Variants in RARS2 observed in about 807,000 individuals in gnomAD.
RARS2 encodes the protein arginyl-tRNA synthetase 2, mitochondrial, also known as probable arginine--tRNA ligase, mitochondrial.
A neutral mutation model predicts 88.5 loss-of-function variants in RARS2; 67 were observed. The observed-to-expected ratio is 0.76, with a 90% CI of 0.62 to 0.93. The LOEUF (loss-of-function observed/expected upper bound fraction) is 0.93. Ranked by LOEUF, RARS2 falls within the 40% of genes least tolerant of loss-of-function variation. The pLI is 0.00. For missense variants in RARS2, 664 were observed against 684.2 expected, an observed-to-expected ratio of 0.97 and a Z score of 0.33; for synonymous variants, 239 against 230.3, an observed-to-expected ratio of 1.04 and a Z score of -0.34.
intron 1 of RARS2, among the ~76,000 whole-genome samples, chr6:87,578,108 C>CA (rs900950947): frequency 8.4e-6 from 1 of 119,408 alleles, no homozygotes; most frequent in Non-Finnish European, 1.7e-5. Context: ...CATAGCGAGA[C>CA]CCCCCCCCCC....
At chr6:87,520,295 CAAAT>C (rs1276311475) in intron 12 of RARS2, 39 bp from the exon 13 acceptor site, 1 of 1,430,786 alleles carries the variant, frequency 7.0e-7, no homozygotes, top group Admixed American at 1.7e-5. Flanking sequence ...AGAATACTGA[CAAAT>C]TAATGTATAA....
chr6:87,589,579 G>T, intron 1 of RARS2: 1 of 796,788 alleles, frequency 1.3e-6, no homozygotes, highest in Non-Finnish European at 1.5e-6. Flanking sequence ...CATCATCAAT[G>T]TCACTAAAGT....
intron 1 of RARS2, among the ~76,000 whole-genome samples, chr6:87,573,702 A>C (rs12529993): frequency 0.25 from 37,797 of 151,916 alleles, 5,220 homozygotes; most frequent in Admixed American, 0.37. Context: ...AAAACACACA[A>C]AAAAAAACCA....
At position 87,533,087 on chromosome 6, in the gene RARS2, A is replaced by G. The variant is rs577409092; in HGVS notation, c.613-2145T>C. On this transcript the variant is annotated intron_variant, in intron 8 of 19. Transcript: ENST00000369536. ...CATGCAAAATGTCTTTATTTTCACAAAAGAGTTTAGTTTCTTTTTTTTTTC... is the reference window on the plus strand; with the variant it reads ...CATGCAAAATGTCTTTATTTTCACAGAAGAGTTTAGTTTCTTTTTTTTTTC... 1.7e-3 allele frequency among the ~76,000 whole-genome samples: 258 copies of G among 152,308 alleles called. 2 individuals are homozygous for G. The highest frequency in any genetic ancestry group is 6.0e-3 in the African/African-American group (248 of 41,584).
chr6:87,589,638 C>A, intron 1 of RARS2: 1 of 980,686 alleles, frequency 1.0e-6, no homozygotes, highest in Non-Finnish European at 1.2e-6. Context: ...TAATGACTTG[C>A]CGCCACCCAG....
intron 4 of RARS2, among the ~76,000 whole-genome samples, chr6:87,558,315 A>G (rs1291267423): frequency 6.6e-6 from 1 of 152,178 alleles, no homozygotes; most frequent in East Asian, 1.9e-4. Flanking sequence ...AAACTGCACT[A>G]CCACTCACCC....
chr6:87,566,316 C>T (rs192383503), intron 2 of RARS2, among the ~76,000 whole-genome samples: 8 of 152,154 alleles, frequency 5.3e-5, no homozygotes, highest in East Asian at 1.9e-4. Context: ...TCTTTTTAAA[C>T]GCTAAAAAAA....
chr6:87,542,855 C>T (rs1050006744), intron 7 of RARS2, among the ~76,000 whole-genome samples: 4 of 150,986 alleles, frequency 2.6e-5, no homozygotes, highest in Admixed American at 2.6e-4. Flanking sequence ...AGGAGATATA[C>T]CTAATGTTAA....
chr6:87,561,661 T>C (rs1022858750), intron 4 of RARS2, among the ~76,000 whole-genome samples: 87 of 152,350 alleles, frequency 5.7e-4, no homozygotes, highest in African/African-American at 2.0e-3. Context: ...TCAATAGTCT[T>C]TTTCTGAACA....
intron 7 of RARS2, 112 bp downstream of exon 7, chr6:87,545,504 G>GT: frequency 7.4e-7 from 1 of 1,345,724 alleles, no homozygotes; most frequent in Non-Finnish European, 1.0e-6. Context: ...AAAAAAATAG[G>GT]TAGGACATAC....
At chr6:87,520,621 T>C (rs571759904) in intron 12 of RARS2, among the ~76,000 whole-genome samples, 1 of 152,204 alleles carries the variant, frequency 6.6e-6, no homozygotes, top group Non-Finnish European at 1.5e-5. Flanking sequence ...AGGTTTCACA[T>C]GATAAGTAAG....
chr6:87,586,286 G>C (rs1455459758), intron 1 of RARS2, among the ~76,000 whole-genome samples: 4 of 152,168 alleles, frequency 2.6e-5, no homozygotes, highest in Non-Finnish European at 5.9e-5. Context: ...AGGACTTGCT[G>C]AAGAAAGGAA....
intron 14 of RARS2, 116 bp downstream of exon 14, chr6:87,519,467 A>C: frequency 8.3e-7 from 1 of 1,198,746 alleles, no homozygotes; most frequent in Non-Finnish European, 1.2e-6. Context: ...TATTTTTGAC[A>C]AAGTTAGTGA....
intron 4 of RARS2, among the ~76,000 whole-genome samples, chr6:87,560,645 T>C (rs1235802465): frequency 1.3e-5 from 2 of 152,220 alleles, no homozygotes; most frequent in Non-Finnish European, 2.9e-5. Flanking sequence ...ACGCCTGTAA[T>C]GCCAGCACTT....
chr6:87,564,823 C>T (rs183703816), intron 2 of RARS2, among the ~76,000 whole-genome samples: 7 of 151,872 alleles, frequency 4.6e-5, no homozygotes, highest in Non-Finnish European at 8.8e-5. Context: ...TTTGGGAGGC[C>T]GAGGCAAGTG....
intron 2 of RARS2, among the ~76,000 whole-genome samples, chr6:87,566,849 CAAAAA>C (rs36032606): frequency 1.7e-5 from 1 of 60,288 alleles, no homozygotes; most frequent in Non-Finnish European, 3.1e-5. Context: ...GGTCCTGTCT[CAAAAA>C]AAAAAAAAAA....
intron 8 of RARS2, among the ~76,000 whole-genome samples, chr6:87,536,140 C>A (rs921918566): frequency 1.4e-5 from 2 of 140,492 alleles, no homozygotes; most frequent in African/African-American, 5.5e-5. Context: ...GAGTCAAGTT[C>A]TATTAATAAA....
intron 10 of RARS2, 104 bp from the exon 11 acceptor site, chr6:87,524,756 C>T (rs1379981148): frequency 2.8e-5 from 23 of 817,068 alleles, no homozygotes; most frequent in African/African-American, 1.2e-4. Context: ...TTATTACCCA[C>T]GTTGCAATGA....
rs1734854241 is a variant in RARS2, at chr6:87,548,491, T to G, written c.451+100A>C. 1.2e-5 allele frequency: 15 copies of G among 1,203,350 alleles called. 1 individual carries two copies. In the South Asian group the frequency reaches 2.0e-4, roughly 16 times the overall value. The allele number at this position is 1,203,350 out of a possible 1,614,324, so 74.5% of individuals were successfully genotyped here. A position where few individuals can be genotyped will look rare whatever the true frequency, so the allele number is the denominator to read the frequency against. On this transcript the variant is annotated intron_variant, in intron 6 of 19. Coordinates refer to ENST00000369536, the MANE Select transcript of RARS2 (RefSeq NM_020320.5). Reference sequence around the variant, plus strand: ...GCTCATATAAATTTAAACTTTTTGTTTTTTGCTATTTTGTTATTTAAGCAT... The same window carrying G: ...GCTCATATAAATTTAAACTTTTTGTGTTTTGCTATTTTGTTATTTAAGCAT...
Sources: allele counts gnomAD v4.1 joint callset (sites outside exome capture counted in the v4.1 genomes callset), GRCh38; gene constraint gnomAD v4.1.1; transcripts MANE v1.5; gene names NCBI Gene and HGNC (gene_info 2026-07-23, HGNC 2026-07-21).